Variants in PTS observed in about 807,000 individuals in gnomAD.
The protein encoded by PTS is 6-pyruvoyltetrahydropterin synthase.
Under a neutral mutation model 20.6 loss-of-function variants are expected in PTS, and 23 were observed. The observed-to-expected ratio is 1.12, with a 90% confidence interval of 0.80 to 1.58. The LOEUF is 1.58. PTS is among the 40% of genes most tolerant of loss of function. The pLI, the probability that PTS is intolerant of heterozygous loss-of-function variation, is 0.00. For synonymous variants in PTS, 65 were observed against 62.5 expected, an observed-to-expected ratio of 1.04 and a Z score of -0.19; for missense variants, 186 against 182.4, an observed-to-expected ratio of 1.02 and a Z score of -0.11.
Position 112,226,508 on chromosome 11 carries a change from C to G in PTS, c.65C>G (p.Ala22Gly), listed in dbSNP as rs2135407190. The G allele has an allele frequency of 1.9e-6, 3 of 1,584,252 alleles. No individual in the cohort carries two copies. Among genetic ancestry groups the G allele is most frequent in the South Asian group, 2.3e-5 (2 of 86,366 alleles). The part of the protein sequence containing the change: ...AQVSRRISFS[A>G]SHRLYSKFLS... ...GTGTCCCGCCGCATCTCCTTCAGCG[C>G]GAGCCACCGATTGTACAGGTAGGGT... Residue 22 changes from alanine (A) to glycine (G), a missense_variant, in exon 1 of 6, where the codon GCG becomes GGG. By Grantham distance (60) the Ala-to-Gly change is moderately conservative. Transcript: ENST00000280362.
intron 1 of PTS, chr11:112,228,273 A>C (rs759583510): frequency 2.5e-5 from 9 of 355,984 alleles, no homozygotes; most frequent in Non-Finnish European, 4.1e-5. Flanking sequence ...TGCCTGTTAC[A>C]TTGTAGGCAC....
chr11:112,229,319 G>A (rs1450086487), intron 2 of PTS: 1 of 152,702 alleles, frequency 6.5e-6, no homozygotes, highest in Non-Finnish European at 1.5e-5. Context: ...ATATCTAATG[G>A]TATTTGTACA....
rs916945270 is a variant in PTS, at chr11:112,233,768, A to G, written c.*213A>G. ...TATACATCCTGAAAATCATTTAGAG[A>G]GTCTTTTATTTATAAATTAAAAATC... On this transcript the variant is annotated 3_prime_UTR_variant, in exon 6 of 6. Transcript: ENST00000280362. 28 of 484,430 alleles carry G rather than the reference A, an allele frequency of 5.8e-5. No individual in the cohort carries two copies. The East Asian group carries it at 1.1e-3, about 18-fold the overall frequency. The allele number at this position is 484,430 out of a possible 1,614,324, so 30.0% of individuals were successfully genotyped here. A position where few individuals can be genotyped will look rare whatever the true frequency, so the allele number is the denominator to read the frequency against.
rs775074473 is a variant in PTS at position 112,233,177 on chromosome 11, GC to G, written c.262del (p.Asp89IlefsTer16). Reference protein sequence around the residue: ...KKYMEEAIMQPLDHKNLDMDV... With the variant: ...KKYMEEAIMQXLDHKNLDMDV... ...TTTGTCTCTAGGAGGCGATTATGCA[GC>G]CCCTTGATCATAAGAATCTGGATAT... On this transcript the variant is annotated frameshift_variant, in exon 5 of 6. Transcript: ENST00000280362. LOFTEE classifies it high-confidence loss of function. The G allele has an allele frequency of 6.2e-7, 1 of 1,613,964 alleles. No individual in the cohort carries two copies. Among genetic ancestry groups the G allele is most frequent in the Non-Finnish European group, 8.5e-7 (1 of 1,179,872 alleles).
intron 1 of PTS, among the ~76,000 whole-genome samples, chr11:112,227,958 T>C (rs1859886865): frequency 6.6e-6 from 1 of 152,168 alleles, no homozygotes; most frequent in African/African-American, 2.4e-5. Flanking sequence ...CGAAATTGAA[T>C]GGATGGGTAT....
rs1859955425 is a variant in PTS, at chr11:112,232,686, T to G, written c.244-477T>G. 3.3e-5 allele frequency among the ~76,000 whole-genome samples: 5 copies of G among 152,220 alleles called. No individual in the cohort carries two copies. In the South Asian group the frequency reaches 1.0e-3, roughly 31 times the overall value. ...TATGAGCCCAAGATCATTCTTAAAT[T>G]ATTCCTCATAGCAAAAATTTAGAAC... On this transcript the variant is annotated intron_variant, in intron 4 of 5. Transcript: ENST00000280362.
chr11:112,230,547 T>C, intron 3 of PTS, 79 bp from the exon 4 acceptor site: 1 of 1,261,832 alleles, frequency 7.9e-7, no homozygotes, highest in Non-Finnish European at 1.2e-6. Flanking sequence ...CTCTGCACAT[T>C]GTACTGCCTT....
At chr11:112,230,178 T>A in intron 2 of PTS, 30 bp from the exon 3 acceptor site, 2 of 1,597,286 alleles carry the variant, frequency 1.3e-6, no homozygotes, top group Non-Finnish European at 1.7e-6. Context: ...AGTCATGCTG[T>A]TTTTTTTGTA....
Position 112,228,616 on chromosome 11 carries a change from A to G in PTS, c.106A>G (p.Asn36Asp), listed in dbSNP as rs1374807422. The G allele has an allele frequency of 8.1e-6, 13 of 1,609,496 alleles. No individual in the cohort carries two copies. The highest frequency in any genetic ancestry group is 1.3e-5 in the African/African-American group (1 of 74,804). Residue 36 changes from asparagine (N) to aspartate (D), a missense_variant, in exon 2 of 6, where the codon AAC (asparagine) becomes GAC (aspartate). By Grantham distance (23) the Asn-to-Asp change is conservative (BLOSUM62 1). Transcript: ENST00000280362. ...LYSKFLSDEE[N>D]LKLFGKCNNP... Reference sequence around the variant, plus strand: ...CAGTAAATTTCTAAGTGATGAAGAAAACTTGAAACTGTTTGGGAAATGCAA... The same window carrying G: ...CAGTAAATTTCTAAGTGATGAAGAAGACTTGAAACTGTTTGGGAAATGCAA...
chr11:112,228,661 C>T lies in PTS; in HGVS notation c.151C>T (p.His51Tyr), dbSNP rs780284884. ...ATGCAACAATCCAAATGGCCATGGG[C>T]ACAATTATAAAGGTGAGAGAAAAAC... is the stretch of plus-strand genomic sequence containing the variant. ...GKCNNPNGHG[H>Y]NYKVVVTVHG... Residue 51 changes from histidine (H) to tyrosine (Y), a missense_variant, in exon 2 of 6, where the codon CAC becomes TAC. Physicochemically the swap from His to Tyr is moderately conservative, Grantham distance 83. Coordinates refer to ENST00000280362, the MANE Select transcript of PTS (RefSeq NM_000317.3). The T allele has an allele frequency of 7.5e-6, 12 of 1,610,188 alleles. No homozygotes were observed. The highest frequency in any genetic ancestry group is 2.2e-5 in the East Asian group (1 of 44,794).
At position 112,226,552 on chromosome 11, in the gene PTS, G is replaced by T. The variant is rs376464627; in HGVS notation, c.83+26G>T. 40 of 1,517,760 alleles carry T rather than the reference G, an allele frequency of 2.6e-5. No individual in the cohort carries two copies. The African/African-American group carries it at 4.6e-4, about 17-fold the overall frequency. The allele number at this position is 1,517,760 out of a possible 1,614,324, so 94.0% of individuals were successfully genotyped here. ...GTAGGGTGTGCACACAGGTACAGCG[G>T]CGGGCGGTGGGCGCCGGGCCCCGGA... On this transcript the variant is annotated intron_variant, in intron 1 of 5. Coordinates refer to ENST00000280362, the MANE Select transcript of PTS (RefSeq NM_000317.3).
chr11:112,230,154 G>A, intron 2 of PTS, 54 bp from the exon 3 acceptor site: 3 of 1,542,376 alleles, frequency 1.9e-6, no homozygotes, highest in Non-Finnish European at 2.7e-6. Flanking sequence ...GTGCTTGGAT[G>A]TTGATCTGTT....
At chr11:112,229,857 A>G (rs921969104) in intron 2 of PTS, among the ~76,000 whole-genome samples, 5 of 152,212 alleles carry the variant, frequency 3.3e-5, no homozygotes, top group African/African-American at 9.7e-5. Context: ...GTAGCTGGAC[A>G]CCTGAAAGAC....
chr11:112,230,006 G>T, intron 2 of PTS: 1 of 618,002 alleles, frequency 1.6e-6, no homozygotes, highest in Non-Finnish European at 2.9e-6. Context: ...CCTTTGTCTC[G>T]ATTGTGTCTT....
In PTS at chr11:112,233,663, T is replaced by A; in HGVS notation, c.*108T>A. ...AACACGTGATTGTTGTACGTACACA[T>A]TGTGCTCTGGAGTGCCTATTTATTG... is the stretch of plus-strand genomic sequence containing the variant. On this transcript the variant is annotated 3_prime_UTR_variant, in exon 6 of 6. Transcript: ENST00000280362. The A allele has an allele frequency of 6.5e-7, 1 of 1,543,654 alleles. No homozygotes were observed. Among genetic ancestry groups the A allele is most frequent in the Non-Finnish European group, 8.8e-7 (1 of 1,136,898 alleles).
rs1307423080 is a variant in PTS, at chr11:112,233,613, G to A, written c.*58G>A. ...TCTTTCTGTGTTTGAAAAAGATTTT[G>A]ATCCCCTTGGAATATTAAGAGGTCA... On this transcript the variant is annotated 3_prime_UTR_variant, in exon 6 of 6. Coordinates refer to ENST00000280362, the MANE Select transcript of PTS (RefSeq NM_000317.3). The A allele has an allele frequency of 6.2e-7, 1 of 1,608,062 alleles. No individual in the cohort carries two copies. The highest frequency in any genetic ancestry group is 8.5e-7 in the Non-Finnish European group (1 of 1,177,706).
At chr11:112,228,426 A>G in intron 1 of PTS, 168 bp from the exon 2 acceptor site, 1 of 636,824 alleles carries the variant, frequency 1.6e-6, no homozygotes, top group Non-Finnish European at 2.7e-6. Flanking sequence ...TGTGACGTAT[A>G]CGTAAGTAAT....
intron 3 of PTS, 109 bp from the exon 4 acceptor site, chr11:112,230,517 T>C (rs760774665): frequency 1.1e-5 from 11 of 1,020,618 alleles, no homozygotes; most frequent in South Asian, 1.3e-5. Context: ...TGAAGGCAAA[T>C]GTGCAAATGT....
intron 3 of PTS, 108 bp from the exon 4 acceptor site, chr11:112,230,518 G>GGGCT (rs1859916663): frequency 4.8e-6 from 5 of 1,034,928 alleles, no homozygotes; most frequent in Non-Finnish European, 7.6e-6. Flanking sequence ...GAAGGCAAAT[G>GGGCT]TGCAAATGTG....
Sources: allele counts gnomAD v4.1 joint callset (sites outside exome capture counted in the v4.1 genomes callset), GRCh38; gene constraint gnomAD v4.1.1; transcripts MANE v1.5; gene names NCBI Gene and HGNC (gene_info 2026-07-23, HGNC 2026-07-21).